C3orf20: variants seen among roughly 807,000 people sequenced by gnomAD.
C3orf20 encodes the protein family with sequence similarity 149 member C.
A neutral mutation model predicts 88.3 loss-of-function variants in C3orf20; 76 were observed. The observed-to-expected ratio is 0.86, with a 90% CI of 0.72 to 1.04. The LOEUF (loss-of-function observed/expected upper bound fraction) is 1.04, where lower values mean the gene tolerates loss of function less well. C3orf20 is among the 50% of genes least tolerant of loss of function. The pLI, the probability that C3orf20 is intolerant of heterozygous loss-of-function variation, is 0.00. For missense variants in C3orf20, 1,056 were observed against 1,123.3 expected (o/e 0.94, Z 0.86); for synonymous variants, 436 against 437.4 (o/e 1.00, Z 0.04).
intron 4 of C3orf20, among the ~76,000 whole-genome samples, chr3:14,685,460 TTC>T (rs60024348): frequency 5.2e-4 from 72 of 139,054 alleles, no homozygotes; most frequent in African/African-American, 1.1e-3. Context: ...CTCTCTCTGT[TTC>T]TCTCTCTCTC....
chr3:14,702,281 G>T (rs763283426), intron 5 of C3orf20, among the ~76,000 whole-genome samples: 1 of 152,048 alleles, frequency 6.6e-6, no homozygotes, highest in Admixed American at 6.6e-5. Flanking sequence ...AGAATAGCAC[G>T]GGAAAGACCG....
At chr3:14,677,969 G>GCCAACTTCAGTAGTTCC (rs1559389138) in intron 1 of C3orf20, among the ~76,000 whole-genome samples, 1 of 150,718 alleles carries the variant, frequency 6.6e-6, no homozygotes, top group African/African-American at 2.4e-5. Flanking sequence ...TCCTTTGTTT[G>GCCAACTTCAGTAGTTCC]CCAACTTCAG....
At chr3:14,697,059 G>T (rs1009096762) in intron 5 of C3orf20, among the ~76,000 whole-genome samples, 1 of 152,094 alleles carries the variant, frequency 6.6e-6, no homozygotes, top group Non-Finnish European at 1.5e-5. Context: ...GAGCTCCATT[G>T]TATGTTATTT....
At chr3:14,734,354 A>C (rs1009991613) in intron 12 of C3orf20, among the ~76,000 whole-genome samples, 2 of 152,034 alleles carry the variant, frequency 1.3e-5, no homozygotes, top group Admixed American at 1.3e-4. Context: ...AATTTCCCTC[A>C]AAGTCCAGTT....
chr3:14,715,084 T>A (rs1049542293), intron 8 of C3orf20, among the ~76,000 whole-genome samples: 17 of 152,178 alleles, frequency 1.1e-4, no homozygotes, highest in Non-Finnish European at 7.3e-5. Context: ...TCATCATCTC[T>A]CTCAGAATAG....
At chr3:14,728,734 G>C (rs1311140856) in intron 12 of C3orf20, 46 bp downstream of exon 12, 1 of 1,591,256 alleles carries the variant, frequency 6.3e-7, no homozygotes, top group Non-Finnish European at 8.6e-7. Context: ...GTGTTGTGAT[G>C]GGCAGTGGGC....
Position 14,772,981 on chromosome 3 carries a change from T to C in C3orf20, c.*106T>C, listed in dbSNP as rs2035902776. On this transcript the variant is annotated 3_prime_UTR_variant, in exon 17 of 17. Transcript: ENST00000253697. The surrounding 1 kb of genome is among the most constrained non-coding windows in gnomAD (Gnocchi z 4.2). ...GGTCTCCCACCCTGTCCTCCAAGCT[T>C]CTATAATAAACCAGCGGGCCTCCAG... 2.4e-6 allele frequency: 2 copies of C among 833,848 alleles called. No homozygotes were observed. The highest frequency in any genetic ancestry group is 4.0e-5 in the Admixed American group (2 of 49,428). 51.7% of individuals were successfully genotyped at this position (833,848 alleles called of 1,614,324 possible).
At position 14,689,861 on chromosome 3, in the gene C3orf20, G is replaced by C. The variant is rs575916421; in HGVS notation, c.626-136G>C. ...TTGCAAAATCTTCTTCCAAGATCTA[G>C]GTGTTTTGTAACAATGCGGCACTTT... is the stretch of plus-strand genomic sequence containing the variant. On this transcript the variant is annotated intron_variant, in intron 4 of 16. Coordinates refer to ENST00000253697, the MANE Select transcript of C3orf20 (RefSeq NM_032137.5). 2.9e-4 allele frequency: 322 copies of C among 1,122,236 alleles called. No individual in the cohort carries two copies. The African/African-American group carries it at 4.5e-3, about 16-fold the overall frequency. 69.5% of individuals were successfully genotyped at this position (1,122,236 alleles called of 1,614,324 possible).
At chr3:14,721,037 T>C (rs2034140228) in intron 9 of C3orf20, among the ~76,000 whole-genome samples, 1 of 152,204 alleles carries the variant, frequency 6.6e-6, no homozygotes, top group African/African-American at 2.4e-5. Context: ...TTAAAGGAAA[T>C]CCCACTCTTT....
Position 14,761,376 on chromosome 3 carries a change from C to T in C3orf20, c.2353-97C>T, listed in dbSNP as rs750903311. 100 of 1,426,724 alleles carry T rather than the reference C, an allele frequency of 7.0e-5. No homozygotes were observed. The South Asian group carries it at 8.1e-4, about 11-fold the overall frequency. 88.4% of individuals were successfully genotyped at this position (1,426,724 alleles called of 1,614,324 possible). A position where few individuals can be genotyped will look rare whatever the true frequency, so the allele number is the denominator to read the frequency against. On this transcript the variant is annotated intron_variant, in intron 14 of 16. Coordinates refer to ENST00000253697, the MANE Select transcript of C3orf20 (RefSeq NM_032137.5). Reference sequence around the variant, plus strand: ...GGCGTAAGCTCTGAGAGGCCTGTGGCGCTGTTCTAGTGAAATTCCAAACTT... The same window carrying T: ...GGCGTAAGCTCTGAGAGGCCTGTGGTGCTGTTCTAGTGAAATTCCAAACTT...
intron 1 of C3orf20, among the ~76,000 whole-genome samples, chr3:14,680,247 C>G (rs1210775519): frequency 6.6e-6 from 1 of 152,064 alleles, no homozygotes; most frequent in African/African-American, 2.4e-5. Context: ...ATAAAAATAA[C>G]CAAAATGCCC....
intron 12 of C3orf20, among the ~76,000 whole-genome samples, chr3:14,751,651 A>G (rs1451627784): frequency 6.6e-6 from 1 of 152,230 alleles, no homozygotes; most frequent in East Asian, 1.9e-4. Flanking sequence ...TACAAAATCA[A>G]TGTGCAAAAA....
intron 4 of C3orf20, 108 bp downstream of exon 4, chr3:14,684,490 G>T: frequency 1.4e-6 from 2 of 1,407,328 alleles, no homozygotes; most frequent in East Asian, 2.4e-5. Flanking sequence ...TCCAAGAATT[G>T]AGGTGGATGT....
rs55917715 is a variant in C3orf20, at chr3:14,722,714, G to A, written c.1566+930G>A. 5.4e-3 allele frequency: 2,119 copies of A among 389,468 alleles called. 16 individuals are homozygous for A. Among genetic ancestry groups the A allele is most frequent in the Middle Eastern group, 0.037 (53 of 1,422 alleles). 24.1% of individuals were successfully genotyped at this position (389,468 alleles called of 1,614,324 possible). A position where few individuals can be genotyped will look rare whatever the true frequency, so the allele number is the denominator to read the frequency against. ...CTGTTGTCCCAGGGCCCAGCATGAG[G>A]ACTACTTCAAATTAAATCTTTACCA... On this transcript the variant is annotated intron_variant, in intron 10 of 16. Transcript: ENST00000253697.
chr3:14,764,515 TG>T (rs2035649698), intron 15 of C3orf20, among the ~76,000 whole-genome samples: 1 of 151,688 alleles, frequency 6.6e-6, no homozygotes. Flanking sequence ...TTATTGTTGT[TG>T]TTGTTGTTGT....
At chr3:14,676,829 T>A (rs1470387353) in intron 1 of C3orf20, among the ~76,000 whole-genome samples, 3 of 152,214 alleles carry the variant, frequency 2.0e-5, no homozygotes, top group African/African-American at 7.2e-5. Flanking sequence ...AAACCTTGGC[T>A]TCTCATGAAG....
At chr3:14,728,033 A>G (rs1417636795) in intron 11 of C3orf20, among the ~76,000 whole-genome samples, 2 of 152,106 alleles carry the variant, frequency 1.3e-5, no homozygotes, top group Admixed American at 6.5e-5. Context: ...AATAAATACA[A>G]TACAACAAAG....
At chr3:14,766,941 A>AGGCGGCTTTGAGGAGCGTGGCCC in intron 15 of C3orf20, 1 of 138,254 alleles carries the variant, frequency 7.2e-6, no homozygotes. Context: ...GAGCGTGGCC[A>AGGCGGCTTTGAGGAGCGTGGCCC]GGCAGCTTTG....
intron 10 of C3orf20, among the ~76,000 whole-genome samples, chr3:14,725,587 G>A (rs1195840328): frequency 1.3e-5 from 2 of 152,176 alleles, no homozygotes; most frequent in Non-Finnish European, 1.5e-5. Flanking sequence ...TAAGATGAGT[G>A]CAGAAGCAGC....
Sources: gnomAD v4.1 joint callset for allele counts (sites outside exome capture counted in the v4.1 genomes callset) on GRCh38, gnomAD v4.1.1 for gene constraint, Gnocchi (gnomAD v3.1) non-coding constraint, MANE v1.5 for transcripts, NCBI Gene and HGNC (gene_info 2026-07-23, HGNC 2026-07-21) for gene names.